The following VPS13A variants were observed in gnomAD, a reference collection of about 807,000 sequenced individuals.
The protein encoded by VPS13A is vacuolar protein sorting 13 homolog A.
VPS13A carries 264 observed loss-of-function variants against 390.9 expected under a neutral mutation model. The observed-to-expected ratio is 0.68, with a 90% CI of 0.61 to 0.75. The LOEUF (loss-of-function observed/expected upper bound fraction) is 0.75. Ranked by LOEUF, VPS13A falls within the 30% of genes least tolerant of loss-of-function variation. The pLI, the probability that VPS13A is intolerant of heterozygous loss-of-function variation, is 0.00. For missense variants in VPS13A, 3,409 were observed against 3,733.9 expected, an observed-to-expected ratio of 0.91 and a Z score of 2.27; for synonymous variants, 1,231 against 1,227.1, an observed-to-expected ratio of 1.00 and a Z score of -0.07.
In VPS13A at chr9:77,209,413, G is replaced by A. The variant is rs1178473943; in HGVS notation, c.386-10G>A. ...ATTCAATTTTAAAAAAGGAATATTT[G>A]CAATTGTAGAACAACATCTGCCGGA... On this transcript the variant is annotated splice_polypyrimidine_tract_variant and intron_variant, in intron 5 of 71. Coordinates refer to ENST00000360280, the MANE Select transcript of VPS13A (RefSeq NM_033305.3). The A allele has an allele frequency of 7.0e-6, 11 of 1,576,072 alleles. No homozygotes were observed. The highest frequency in any genetic ancestry group is 8.7e-7 in the Non-Finnish European group (1 of 1,146,870).
chr9:77,294,168 G>A (rs983973497), intron 32 of VPS13A, among the ~76,000 whole-genome samples: 2 of 151,996 alleles, frequency 1.3e-5, no homozygotes, highest in African/African-American at 4.8e-5. Flanking sequence ...TGATCCTCCT[G>A]CTTTGGCCTC....
Position 77,188,018 on chromosome 9 carries a change from A to G in VPS13A, c.100+10214A>G, listed in dbSNP as rs559423325. 1.6e-3 allele frequency among the ~76,000 whole-genome samples: 243 copies of G among 152,298 alleles called. 2 individuals carry two copies. In the Middle Eastern group the frequency reaches 0.044, roughly 28 times the overall value. ...GGGACTGGTGGGAGGCAGTTGGGTC[A>G]TAGGGGTGGATCTTTCATGGCTTGG... On this transcript the variant is annotated intron_variant, in intron 1 of 71. Transcript: ENST00000360280.
Position 77,339,499 on chromosome 9 carries a change from T to C in VPS13A, c.6379-17T>C. 1 of 1,524,312 alleles carries C rather than the reference T, an allele frequency of 6.6e-7. No homozygotes were observed. The highest frequency in any genetic ancestry group is 8.8e-7 in the Non-Finnish European group (1 of 1,137,368). 94.4% of individuals were successfully genotyped at this position (1,524,312 alleles called of 1,614,324 possible). ...AACATTTTAAATTTTGTTTTGTTTT[T>C]TTTTTTTTTATTACAGGGAATTGAA... On this transcript the variant is annotated splice_polypyrimidine_tract_variant and intron_variant, in intron 47 of 71. Transcript: ENST00000360280.
chr9:77,318,255 T>C lies in VPS13A; in HGVS notation c.4977T>C (p.Asn1659=). The change falls in exon 41 of 72, where the codon AAT becomes AAC. Residue 1659 remains asparagine (N), a synonymous_variant. Transcript: ENST00000360280. The part of the protein sequence containing the change: ...LTLKVSPVII[N]TMITITSALY... The stretch of plus-strand genomic sequence containing the variant: ...TTTAGGTTTCACCAGTTATTATAAA[T>C]ACTATGATTACCATAACTTCAGCAC... The C allele has an allele frequency of 1.3e-6, 2 of 1,597,940 alleles. No individual in the cohort carries two copies. The highest frequency in any genetic ancestry group is 1.7e-6 in the Non-Finnish European group (2 of 1,175,080).
intron 60 of VPS13A, 136 bp from the exon 61 acceptor site, chr9:77,366,591 T>C: frequency 1.4e-6 from 1 of 726,928 alleles, no homozygotes; most frequent in Non-Finnish European, 2.2e-6. Context: ...TTCTACTTAG[T>C]GATTTTAACA....
rs190513237 is a variant in VPS13A at position 77,337,938 on chromosome 9, A to G, written c.6378+401A>G. On this transcript the variant is annotated intron_variant, in intron 47 of 71. Coordinates refer to ENST00000360280, the MANE Select transcript of VPS13A (RefSeq NM_033305.3). The stretch of plus-strand genomic sequence containing the variant: ...AGAAAGTAGTTCTTCATTGTCATCT[A>G]TTATAGGTTTATTTTACTTTTAGAA... 220 of 158,760 alleles carry G rather than the reference A, an allele frequency of 1.4e-3. 1 individual carries two copies. The highest frequency in any genetic ancestry group is 3.3e-3 in the East Asian group (18 of 5,426). The allele number at this position is 158,760 out of a possible 1,614,324, so 9.8% of individuals were successfully genotyped here. A position where few individuals can be genotyped will look rare whatever the true frequency, so the allele number is the denominator to read the frequency against.
At position 77,242,011 on chromosome 9, in the gene VPS13A, TTC is replaced by T. The variant is rs554968204; in HGVS notation, c.1900+3627_1900+3628del. On this transcript the variant is annotated intron_variant, in intron 19 of 71. Transcript: ENST00000360280. ...TCTTGCAAGACTCTCCATCTTTGTCTTCTGTTTCCTGTGTTCTGAGAGGCTGA... is the reference window on the plus strand; with the variant it reads ...TCTTGCAAGACTCTCCATCTTTGTCTTGTTTCCTGTGTTCTGAGAGGCTGA... 3.7e-3 allele frequency among the ~76,000 whole-genome samples: 557 copies of T among 152,288 alleles called. 2 individuals are homozygous for T. Among genetic ancestry groups the T allele is most frequent in the Non-Finnish European group, 5.4e-3 (370 of 68,000 alleles).
chr9:77,323,685 C>A (rs1829864398), intron 45 of VPS13A, among the ~76,000 whole-genome samples: 1 of 152,096 alleles, frequency 6.6e-6, no homozygotes, highest in South Asian at 2.1e-4. Context: ...ATATTTATTT[C>A]TTAGAAAAAT....
chr9:77,181,268 A>G (rs138289558), intron 1 of VPS13A, among the ~76,000 whole-genome samples: 1,920 of 152,196 alleles, frequency 0.013, 37 homozygotes, highest in African/African-American at 0.045. Context: ...CATGCCTGTA[A>G]TCCCAGCACT....
At chr9:77,325,433 A>C (rs1165382891) in intron 45 of VPS13A, among the ~76,000 whole-genome samples, 1 of 150,452 alleles carries the variant, frequency 6.6e-6, no homozygotes, top group East Asian at 1.9e-4. Context: ...ATAATCTGAA[A>C]ATCTGTGCCT....
At position 77,417,536 on chromosome 9, in the gene VPS13A, C is replaced by T. The variant is rs1338407916; in HGVS notation, c.*1530C>T. On this transcript the variant is annotated 3_prime_UTR_variant, in exon 72 of 72. Coordinates refer to ENST00000360280, the MANE Select transcript of VPS13A (RefSeq NM_033305.3). ...ACATGAAAGTGTGTTTCCATGTTGA[C>T]CTTTGTTTAAAAAAAAAAAAAAGTG... The T allele has an allele frequency of 6.6e-6, 1 of 150,678 alleles. No homozygotes were observed. Among genetic ancestry groups the T allele is most frequent in the Non-Finnish European group, 1.5e-5 (1 of 67,814 alleles). 9.3% of individuals were successfully genotyped at this position (150,678 alleles called of 1,614,324 possible).
At chr9:77,356,567 C>G in intron 54 of VPS13A, 147 bp from the exon 55 acceptor site, 1 of 887,070 alleles carries the variant, frequency 1.1e-6, no homozygotes, top group Non-Finnish European at 1.7e-6. Flanking sequence ...TGAATGAATT[C>G]ATGTTTTTAA....
intron 22 of VPS13A, among the ~76,000 whole-genome samples, chr9:77,257,088 G>A (rs1329969536): frequency 2.0e-5 from 3 of 151,834 alleles, no homozygotes; most frequent in African/African-American, 7.2e-5. Flanking sequence ...CTCCTTTAAT[G>A]GTGCCCTTTG....
chr9:77,382,231 T>G lies in VPS13A; in HGVS notation c.9189+144T>G, dbSNP rs575735271. 277 of 1,422,174 alleles carry G rather than the reference T, an allele frequency of 1.9e-4. 1 individual carries two copies. The African/African-American group carries it at 3.5e-3, about 18-fold the overall frequency. 88.1% of individuals were successfully genotyped at this position (1,422,174 alleles called of 1,614,324 possible). A position where few individuals can be genotyped will look rare whatever the true frequency, so the allele number is the denominator to read the frequency against. ...TATAAGTTTCTTATATTTACTTAGA[T>G]TTTAAAGTACATTTATTTACTATAA... On this transcript the variant is annotated intron_variant, in intron 68 of 71. Coordinates refer to ENST00000360280, the MANE Select transcript of VPS13A (RefSeq NM_033305.3).
chr9:77,383,768 CATT>C (rs911253587), intron 68 of VPS13A, among the ~76,000 whole-genome samples: 1 of 151,894 alleles, frequency 6.6e-6, no homozygotes, highest in Non-Finnish European at 1.5e-5. Context: ...TCAGTCTCAT[CATT>C]AATCACTAAA....
intron 31 of VPS13A, among the ~76,000 whole-genome samples, chr9:77,287,644 A>G (rs761499791): frequency 1.3e-5 from 2 of 152,188 alleles, no homozygotes; most frequent in Non-Finnish European, 2.9e-5. Flanking sequence ...GTAATAATTC[A>G]CGTGGCGTAT....
In VPS13A at chr9:77,323,168, G is replaced by GT. The variant is rs752530061; in HGVS notation, c.5935dup (p.Cys1979LeufsTer4). 2 of 1,613,510 alleles carry GT rather than the reference G, an allele frequency of 1.2e-6. No individual in the cohort carries two copies. The highest frequency in any genetic ancestry group is 2.2e-5 in the East Asian group (1 of 44,836). On this transcript the variant is annotated frameshift_variant, in exon 45 of 72. Transcript: ENST00000360280. LOFTEE classifies it high-confidence loss of function. ...AGAGTCTGGCGTTGAAAGATCTATTGTTTGTCAAATTGATACAGTAGAAGG... is the reference window on the plus strand; with the variant it reads ...AGAGTCTGGCGTTGAAAGATCTATTGTTTTGTCAAATTGATACAGTAGAAGG...
chr9:77,220,190 C>A, intron 11 of VPS13A, 87 bp from the exon 12 acceptor site: 1 of 1,508,862 alleles, frequency 6.6e-7, no homozygotes, highest in South Asian at 1.2e-5. Flanking sequence ...TAGCATTTCC[C>A]TAAAAAGTCA....
chr9:77,348,317 T>C (rs564370701), intron 52 of VPS13A, among the ~76,000 whole-genome samples: 1 of 152,288 alleles, frequency 6.6e-6, no homozygotes, highest in African/African-American at 2.4e-5. Context: ...ATCATTCCTT[T>C]GCAAGGACAT....
Sources: allele counts gnomAD v4.1 joint callset (sites outside exome capture counted in the v4.1 genomes callset), GRCh38; gene constraint gnomAD v4.1.1; transcripts MANE v1.5; gene names NCBI Gene and HGNC (gene_info 2026-07-23, HGNC 2026-07-21).